Variants in LRMDA observed in about 807,000 individuals in gnomAD.
The protein encoded by LRMDA is leucine rich melanocyte differentiation associated, also known as leucine-rich melanocyte differentiation-associated protein.
Under a neutral mutation model 29.8 loss-of-function variants are expected in LRMDA, and 18 were observed. That is an observed-to-expected ratio of 0.60 (90% confidence interval 0.42 to 0.90). LRMDA has a LOEUF of 0.90. Among genes scored for constraint, LRMDA ranks in the 40% least tolerant of loss-of-function variants. The pLI is 0.00. For synonymous variants in LRMDA, 125 were observed against 109.4 expected (o/e 1.14, Z -0.89); for missense variants, 273 against 273.9 (o/e 1.00, Z 0.02).
intron 6 of LRMDA, among the ~76,000 whole-genome samples, chr10:76,331,677 G>A (rs1189423579): frequency 1.3e-5 from 2 of 152,226 alleles, no homozygotes; most frequent in African/African-American, 2.4e-5. Context: ...TGCCTTGACT[G>A]TGTGGGGGAA....
At chr10:76,207,825 G>A (rs911913911) in intron 5 of LRMDA, among the ~76,000 whole-genome samples, 17 of 152,104 alleles carry the variant, frequency 1.1e-4, no homozygotes, top group South Asian at 4.2e-4. Context: ...TTAGCTGGGC[G>A]TGGTGGCACA....
Position 76,539,218 on chromosome 10 carries a change from A to G in LRMDA, c.602-17991A>G, listed in dbSNP as rs892819629. Among the ~76,000 whole-genome samples the G allele has an allele frequency of 6.6e-5, 10 of 152,152 alleles. No individual in the cohort carries two copies. The East Asian group carries it at 1.5e-3, about 23-fold the overall frequency. The stretch of plus-strand genomic sequence containing the variant: ...CCCAAGGAAGGCAAGGAAGAGTACA[A>G]GGGTTGTAGATACTCTAGGAAGAAG... On this transcript the variant is annotated intron_variant, in intron 6 of 6. Coordinates refer to ENST00000611255, the MANE Select transcript of LRMDA (RefSeq NM_001305581.2).
intron 5 of LRMDA, among the ~76,000 whole-genome samples, chr10:76,257,833 T>G (rs1372242504): frequency 6.6e-6 from 1 of 152,118 alleles, no homozygotes; most frequent in East Asian, 1.9e-4. Flanking sequence ...TGGACTGACT[T>G]GGTTGGGGCT....
intron 2 of LRMDA, among the ~76,000 whole-genome samples, chr10:75,848,731 T>C (rs1442884915): frequency 1.3e-5 from 2 of 152,100 alleles, no homozygotes; most frequent in East Asian, 3.9e-4. Flanking sequence ...GCCCAGACCA[T>C]AGACACTTCT....
intron 2 of LRMDA, among the ~76,000 whole-genome samples, chr10:76,031,977 C>A (rs746004848): frequency 6.6e-6 from 1 of 152,142 alleles, no homozygotes; most frequent in Non-Finnish European, 1.5e-5. Flanking sequence ...GAGGAGAGAT[C>A]GAATTCTTAG....
chr10:76,312,993 G>A (rs76132446), intron 5 of LRMDA, among the ~76,000 whole-genome samples: 18 of 152,212 alleles, frequency 1.2e-4, no homozygotes, highest in African/African-American at 4.3e-4. Context: ...TCCATGAGCA[G>A]TGGCTAAGAT....
intron 2 of LRMDA, among the ~76,000 whole-genome samples, chr10:75,664,319 A>G (rs1564534294): frequency 6.6e-6 from 1 of 152,188 alleles, no homozygotes; most frequent in African/African-American, 2.4e-5. Context: ...TCATTTATCT[A>G]TTCACAATCC....
intron 2 of LRMDA, among the ~76,000 whole-genome samples, chr10:75,795,050 A>T (rs1262653870): frequency 1.3e-5 from 2 of 149,368 alleles, no homozygotes; most frequent in Admixed American, 6.7e-5. Context: ...TTTGGCTTTT[A>T]TGTTTAGGTC....
chr10:75,748,802 C>T (rs1251352046), intron 2 of LRMDA, among the ~76,000 whole-genome samples: 2 of 152,020 alleles, frequency 1.3e-5, no homozygotes, highest in African/African-American at 4.8e-5. Flanking sequence ...TATAAGACTC[C>T]TATCTTCTAA....
At chr10:75,710,679 C>T (rs1486697811) in intron 2 of LRMDA, among the ~76,000 whole-genome samples, 1 of 152,198 alleles carries the variant, frequency 6.6e-6, no homozygotes, top group Non-Finnish European at 1.5e-5. Flanking sequence ...ACAAAAGGAA[C>T]GAAAAGTGAG....
At chr10:75,668,037 A>C (rs1190207156) in intron 2 of LRMDA, among the ~76,000 whole-genome samples, 1 of 152,190 alleles carries the variant, frequency 6.6e-6, no homozygotes, top group Non-Finnish European at 1.5e-5. Flanking sequence ...CGATACACAA[A>C]ATTTCTGGGG....
rs143620471 is a variant in LRMDA, at chr10:75,621,473, G to A, written c.131+182979G>A. ...CAAAAAATATTCTGTTGGTGGATTG[G>A]AATGAATGACTTTTTCCTCCCCATT... is the stretch of plus-strand genomic sequence containing the variant. On this transcript the variant is annotated intron_variant, in intron 2 of 6. Transcript: ENST00000611255. Among the ~76,000 whole-genome samples the A allele has an allele frequency of 3.2e-3, 489 of 152,262 alleles. 3 individuals are homozygous for A. The highest frequency in any genetic ancestry group is 0.011 in the African/African-American group (465 of 41,536).
intron 2 of LRMDA, among the ~76,000 whole-genome samples, chr10:75,592,575 G>T (rs1427129929): frequency 6.6e-6 from 1 of 152,178 alleles, no homozygotes; most frequent in South Asian, 2.1e-4. Flanking sequence ...TCGGTAATGG[G>T]TATGAACAGA....
At chr10:75,433,808 A>T (rs1844233583) in intron 1 of LRMDA, among the ~76,000 whole-genome samples, 1 of 152,170 alleles carries the variant, frequency 6.6e-6, no homozygotes, top group Non-Finnish European at 1.5e-5. Flanking sequence ...AGACCTATAA[A>T]TCCCAAATAA....
At chr10:75,693,339 C>T (rs1842194521) in intron 2 of LRMDA, among the ~76,000 whole-genome samples, 1 of 152,212 alleles carries the variant, frequency 6.6e-6, no homozygotes, top group Non-Finnish European at 1.5e-5. Context: ...ATACTTGTGA[C>T]ACCTTGCCCA....
chr10:76,098,494 T>C (rs1277026722), intron 5 of LRMDA, among the ~76,000 whole-genome samples: 1 of 152,232 alleles, frequency 6.6e-6, no homozygotes, highest in Non-Finnish European at 1.5e-5. Flanking sequence ...GTAATATTCT[T>C]TCATTATCAT....
intron 2 of LRMDA, among the ~76,000 whole-genome samples, chr10:75,742,062 A>G (rs906440197): frequency 5.3e-5 from 8 of 152,276 alleles, no homozygotes; most frequent in African/African-American, 1.9e-4. Flanking sequence ...AGAACCACGA[A>G]AAATACGTTT....
At chr10:76,362,108 C>T (rs1489358822) in intron 6 of LRMDA, among the ~76,000 whole-genome samples, 1 of 152,132 alleles carries the variant, frequency 6.6e-6, no homozygotes, top group African/African-American at 2.4e-5. Flanking sequence ...TCCAGCAAAC[C>T]CACATAACAC....
chr10:76,371,268 T>C (rs899025574), intron 6 of LRMDA, among the ~76,000 whole-genome samples: 1 of 152,150 alleles, frequency 6.6e-6, no homozygotes, highest in Non-Finnish European at 1.5e-5. Flanking sequence ...GCCATGAAAA[T>C]TCGAGGTAGT....
Sources: allele counts gnomAD v4.1 joint callset (sites outside exome capture counted in the v4.1 genomes callset), GRCh38; gene constraint gnomAD v4.1.1; transcripts MANE v1.5; gene names NCBI Gene and HGNC (gene_info 2026-07-23, HGNC 2026-07-21).